Variants in CSMD1 observed in about 807,000 individuals in gnomAD.
CSMD1 encodes the protein CUB and Sushi multiple domains 1.
CSMD1 carries 213 observed loss-of-function variants against 417.5 expected under a neutral mutation model. The ratio of observed to expected loss-of-function variants is 0.51; its 90% CI spans 0.46 to 0.57. CSMD1 has a LOEUF of 0.57. CSMD1 is among the 20% of genes least tolerant of loss of function. The pLI is 0.00. For synonymous variants in CSMD1, 2,862 were observed against 1,736.8 expected, an observed-to-expected ratio of 1.65 and a Z score of -16.11; for missense variants, 6,923 against 4,529.7, an observed-to-expected ratio of 1.53 and a Z score of -15.17.
At chr8:4,302,074 T>C (rs1798007083) in intron 3 of CSMD1, among the ~76,000 whole-genome samples, 1 of 152,254 alleles carries the variant, frequency 6.6e-6, no homozygotes, top group Non-Finnish European at 1.5e-5. Flanking sequence ...CCACAAACTT[T>C]ATGAAGACCC....
intron 26 of CSMD1, among the ~76,000 whole-genome samples, chr8:3,281,671 G>A (rs763049978): frequency 1.3e-5 from 2 of 152,294 alleles, no homozygotes; most frequent in Middle Eastern, 3.4e-3. Context: ...CTAGGAATTA[G>A]GAGGAAGGAA....
chr8:4,646,704 G>A (rs1480153280), intron 1 of CSMD1, among the ~76,000 whole-genome samples: 2 of 152,140 alleles, frequency 1.3e-5, no homozygotes, highest in African/African-American at 4.8e-5. Context: ...TTAATGCTTA[G>A]TAGAGTTCAC....
intron 1 of CSMD1, among the ~76,000 whole-genome samples, chr8:4,839,544 G>A (rs1407344771): frequency 6.6e-6 from 1 of 152,048 alleles, no homozygotes; most frequent in Non-Finnish European, 1.5e-5. Context: ...TTTTCCACAA[G>A]AATGGACCAC....
chr8:3,825,069 T>G (rs1032235506), intron 5 of CSMD1, among the ~76,000 whole-genome samples: 1 of 152,200 alleles, frequency 6.6e-6, no homozygotes, highest in African/African-American at 2.4e-5. Context: ...TGAGGGCTTC[T>G]AGGTATGTGT....
intron 5 of CSMD1, among the ~76,000 whole-genome samples, chr8:3,808,661 C>A (rs1178343029): frequency 1.3e-5 from 2 of 152,126 alleles, no homozygotes; most frequent in Non-Finnish European, 2.9e-5. Context: ...GGACTTAGGT[C>A]TTGTTTGTAG....
intron 8 of CSMD1, among the ~76,000 whole-genome samples, chr8:3,596,386 C>A (rs994540747): frequency 2.6e-5 from 4 of 152,172 alleles, no homozygotes; most frequent in Admixed American, 6.5e-5. Flanking sequence ...TCAGGGCAGA[C>A]CTTTGGGGCC....
At chr8:3,203,930 C>T (rs1445577285) in intron 31 of CSMD1, among the ~76,000 whole-genome samples, 1 of 152,228 alleles carries the variant, frequency 6.6e-6, no homozygotes, top group South Asian at 2.1e-4. Flanking sequence ...GATTGCACAT[C>T]TGCCTCACCC....
chr8:4,380,287 G>C (rs1230603666), intron 3 of CSMD1, among the ~76,000 whole-genome samples: 1 of 152,160 alleles, frequency 6.6e-6, no homozygotes, highest in African/African-American at 2.4e-5. Flanking sequence ...ACTAAGGTCA[G>C]CATCTGCAGT....
intron 5 of CSMD1, among the ~76,000 whole-genome samples, chr8:3,821,302 T>G (rs1308590412): frequency 2.6e-5 from 4 of 152,078 alleles, no homozygotes; most frequent in African/African-American, 9.7e-5. Context: ...AGCAACACAG[T>G]CATTATTATT....
chr8:3,635,811 A>G (rs1415415619), intron 7 of CSMD1, among the ~76,000 whole-genome samples: 8 of 149,610 alleles, frequency 5.3e-5, no homozygotes, highest in African/African-American at 1.7e-4. Context: ...AAAAAAAAAA[A>G]AAAAGAAAGA....
intron 18 of CSMD1, among the ~76,000 whole-genome samples, chr8:3,370,548 T>C (rs542827673): frequency 6.6e-6 from 1 of 152,302 alleles, no homozygotes; most frequent in Non-Finnish European, 1.5e-5. Flanking sequence ...AGATAGCTGG[T>C]AAGAGGCCGG....
intron 2 of CSMD1, among the ~76,000 whole-genome samples, chr8:4,444,923 C>G (rs1181060812): frequency 6.6e-6 from 1 of 152,152 alleles, no homozygotes; most frequent in African/African-American, 2.4e-5. Context: ...CATATTTGCT[C>G]CCTTCTTCAT....
In CSMD1 at chr8:3,069,348, T is replaced by A. The variant is rs543584261; in HGVS notation, c.7475-16701A>T. Reference sequence around the variant, plus strand: ...TACTCGGGAGGCTAAGGCAGGAGACTCACTTGAAACTGGAAGGTGGAGGTT... The same window carrying A: ...TACTCGGGAGGCTAAGGCAGGAGACACACTTGAAACTGGAAGGTGGAGGTT... On this transcript the variant is annotated intron_variant, in intron 49 of 69. Coordinates refer to ENST00000635120, the MANE Select transcript of CSMD1 (RefSeq NM_033225.6). Among the ~76,000 whole-genome samples, 5 of 151,218 alleles carry A rather than the reference T, an allele frequency of 3.3e-5. No homozygotes were observed. In the East Asian group the frequency reaches 9.8e-4, roughly 30 times the overall value.
At chr8:3,567,240 G>C (rs1033508189) in intron 10 of CSMD1, among the ~76,000 whole-genome samples, 1 of 151,958 alleles carries the variant, frequency 6.6e-6, no homozygotes, top group Non-Finnish European at 1.5e-5. Context: ...GACACAAAGA[G>C]GGAAACAATG....
intron 3 of CSMD1, among the ~76,000 whole-genome samples, chr8:4,316,070 G>C (rs76998488): frequency 8.8e-4 from 133 of 151,882 alleles, no homozygotes; most frequent in African/African-American, 3.0e-3. Context: ...TCCTTGAGTA[G>C]AAAATAAAAT....
At chr8:4,125,297 T>G (rs577658479) in intron 3 of CSMD1, among the ~76,000 whole-genome samples, 41 of 152,332 alleles carry the variant, frequency 2.7e-4, no homozygotes, top group African/African-American at 9.6e-4. Flanking sequence ...CGAATCTGAC[T>G]GGCTTCTTTG....
intron 3 of CSMD1, among the ~76,000 whole-genome samples, chr8:4,149,109 G>C (rs561985152): frequency 6.6e-6 from 1 of 151,838 alleles, no homozygotes; most frequent in Non-Finnish European, 1.5e-5. Context: ...GATTACAGGC[G>C]TGTACCACCA....
chr8:3,665,520 C>T (rs1229372219), intron 7 of CSMD1, among the ~76,000 whole-genome samples: 5 of 152,102 alleles, frequency 3.3e-5, no homozygotes, highest in Admixed American at 6.6e-5. Flanking sequence ...CAGAGCGAGA[C>T]TCCATCTCAA....
At chr8:4,102,421 A>G (rs1297363926) in intron 3 of CSMD1, among the ~76,000 whole-genome samples, 1 of 152,154 alleles carries the variant, frequency 6.6e-6, no homozygotes, top group Non-Finnish European at 1.5e-5. Flanking sequence ...ATTCTCCCTG[A>G]TTCTGTCATA....
Sources: gnomAD v4.1 joint callset for allele counts (sites outside exome capture counted in the v4.1 genomes callset) on GRCh38, gnomAD v4.1.1 for gene constraint, MANE v1.5 for transcripts, NCBI Gene and HGNC (gene_info 2026-07-23, HGNC 2026-07-21) for gene names.